Variants in CEMIP2 observed in about 807,000 individuals in gnomAD.
The protein encoded by CEMIP2 is cell surface hyaluronidase CEMIP2.
Under a neutral mutation model 146.9 loss-of-function variants are expected in CEMIP2, and 79 were observed. The observed-to-expected ratio is 0.54, with a 90% confidence interval of 0.45 to 0.65. The LOEUF (loss-of-function observed/expected upper bound fraction) is 0.65, where lower values mean the gene tolerates loss of function less well. CEMIP2 is among the 30% of genes least tolerant of loss of function. CEMIP2 has a pLI of 0.00. For missense variants in CEMIP2, 1,596 were observed against 1,696.2 expected, an observed-to-expected ratio of 0.94 and a Z score of 1.04; for synonymous variants, 601 against 606.3, an observed-to-expected ratio of 0.99 and a Z score of 0.13.
At chr9:71,749,424 G>A (rs900568764) in intron 2 of CEMIP2, among the ~76,000 whole-genome samples, 1 of 151,448 alleles carries the variant, frequency 6.6e-6, no homozygotes, top group Non-Finnish European at 1.5e-5. Flanking sequence ...AAAAACTTGC[G>A]GCCGGGCATG....
chr9:71,740,466 C>G lies in CEMIP2; in HGVS notation c.1035-234G>C, dbSNP rs957489376. 8.5e-5 allele frequency among the ~76,000 whole-genome samples: 13 copies of G among 152,316 alleles called. No homozygotes were observed. In the East Asian group the frequency reaches 1.3e-3, roughly 16 times the overall value. ...GTCCAGCTCTGTAATAGGTGAAAGA[C>G]CGATGACTACAATTTCAATTAATCA... On this transcript the variant is annotated intron_variant, in intron 4 of 23. Transcript: ENST00000377044.
At chr9:71,744,657 C>T (rs774424658) in intron 4 of CEMIP2, among the ~76,000 whole-genome samples, 9 of 152,178 alleles carry the variant, frequency 5.9e-5, no homozygotes, top group Non-Finnish European at 1.2e-4. Context: ...CATTAAGTTG[C>T]CTCAATTAGC....
At chr9:71,711,337 G>A (rs1363241767) in intron 16 of CEMIP2, among the ~76,000 whole-genome samples, 4 of 151,856 alleles carry the variant, frequency 2.6e-5, no homozygotes, top group African/African-American at 9.7e-5. Flanking sequence ...CAAGCTGAGA[G>A]GACCATTTGA....
At chr9:71,695,085 C>G (rs2131865418) in intron 20 of CEMIP2, among the ~76,000 whole-genome samples, 1 of 152,270 alleles carries the variant, frequency 6.6e-6, no homozygotes, top group Non-Finnish European at 1.5e-5. Flanking sequence ...ATTCCATAAA[C>G]AGAGTTGTGC....
intron 10 of CEMIP2, among the ~76,000 whole-genome samples, chr9:71,728,239 ATATATATATATGTATATACACG>A (rs1564012140): frequency 4.3e-4 from 13 of 30,060 alleles, no homozygotes; most frequent in Non-Finnish European, 8.2e-4. Flanking sequence ...CTCTATATAT[ATATATATATATGTATATACACG>A]TATATATATA....
chr9:71,691,394 G>A (rs1473728977), intron 21 of CEMIP2, among the ~76,000 whole-genome samples: 2 of 141,656 alleles, frequency 1.4e-5, no homozygotes, highest in Non-Finnish European at 3.0e-5. Flanking sequence ...TTCCAGCCTG[G>A]GTGACAGAGT....
intron 1 of CEMIP2, among the ~76,000 whole-genome samples, chr9:71,761,129 T>C (rs1357954130): frequency 1.3e-5 from 2 of 152,208 alleles, no homozygotes; most frequent in African/African-American, 4.8e-5. Flanking sequence ...CAGCTGGCCT[T>C]CCAAAGAAAG....
At chr9:71,717,517 C>T (rs1242610624) in intron 13 of CEMIP2, among the ~76,000 whole-genome samples, 2 of 152,062 alleles carry the variant, frequency 1.3e-5, no homozygotes, top group East Asian at 1.9e-4. Flanking sequence ...TGCCTCAAGT[C>T]ATGTTAAGAT....
chr9:71,701,233 G>T (rs987538551), intron 18 of CEMIP2, among the ~76,000 whole-genome samples: 3 of 152,108 alleles, frequency 2.0e-5, no homozygotes, highest in African/African-American at 7.2e-5. Flanking sequence ...AGCCTCTCGA[G>T]TAGCTGGGAT....
In CEMIP2 at chr9:71,687,460, T is replaced by TTC. The variant is rs796783790; in HGVS notation, c.3852-1616_3852-1615dup. 2.3e-4 allele frequency: 21 copies of TTC among 90,674 alleles called. 1 individual carries two copies. The highest frequency in any genetic ancestry group is 7.0e-4 in the African/African-American group (20 of 28,710). The allele number at this position is 90,674 out of a possible 1,614,324, so 5.6% of individuals were successfully genotyped here. A position where few individuals can be genotyped will look rare whatever the true frequency, so the allele number is the denominator to read the frequency against. The stretch of plus-strand genomic sequence containing the variant: ...CAATATATTTAATAATGTATTTATT[T>TTC]TCTGTGTGTGTGTGTGTGTGTGTGT... On this transcript the variant is annotated intron_variant, in intron 22 of 23. Coordinates refer to ENST00000377044, the MANE Select transcript of CEMIP2 (RefSeq NM_013390.3).
chr9:71,740,006 A>G, intron 5 of CEMIP2, 57 bp downstream of exon 5: 1 of 1,499,134 alleles, frequency 6.7e-7, no homozygotes, highest in South Asian at 1.3e-5. Context: ...TTAGAAAAAA[A>G]AAATCTGTCA....
At chr9:71,758,102 A>C (rs1402950800) in intron 1 of CEMIP2, among the ~76,000 whole-genome samples, 1 of 152,176 alleles carries the variant, frequency 6.6e-6, no homozygotes, top group Non-Finnish European at 1.5e-5. Context: ...TACATTTTTT[A>C]AAAAAACAAC....
At chr9:71,722,402 T>A in intron 12 of CEMIP2, 25 bp downstream of exon 12, 1 of 1,584,996 alleles carries the variant, frequency 6.3e-7, no homozygotes, top group South Asian at 1.1e-5. Context: ...ATAGCTTGAG[T>A]GTGACTTAAA....
At chr9:71,766,836 G>GA (rs1264581683) in intron 1 of CEMIP2, among the ~76,000 whole-genome samples, 3 of 152,124 alleles carry the variant, frequency 2.0e-5, no homozygotes, top group African/African-American at 4.8e-5. Flanking sequence ...ACATACATCA[G>GA]AAAAAAACAG....
At chr9:71,689,932 C>T (rs1213890177) in intron 22 of CEMIP2, among the ~76,000 whole-genome samples, 160 bp downstream of exon 22, 5 of 152,106 alleles carry the variant, frequency 3.3e-5, no homozygotes, top group African/African-American at 7.2e-5. Context: ...GCAGCTTAGA[C>T]GACATGGGCG....
intron 11 of CEMIP2, 81 bp from the exon 12 acceptor site, chr9:71,722,596 T>G (rs569238372): frequency 7.5e-5 from 88 of 1,173,544 alleles, no homozygotes; most frequent in Non-Finnish European, 1.1e-4. Context: ...GAAAATAGAT[T>G]TTAGCTTATC....
In CEMIP2 at chr9:71,709,090, T is replaced by A. The variant is rs77913234; in HGVS notation, c.2985+169A>T. Among the ~76,000 whole-genome samples the A allele has an allele frequency of 2.2e-4, 33 of 152,258 alleles. 1 individual carries two copies. In the East Asian group the frequency reaches 6.2e-3, roughly 29 times the overall value. ...TTTTAAGAAAAATTCCAGGAGTCCA[T>A]GACTCCTAATGAATCGAAAGAAAGA... On this transcript the variant is annotated intron_variant, in intron 17 of 23. Transcript: ENST00000377044.
chr9:71,710,893 C>T (rs1013399828), intron 16 of CEMIP2, among the ~76,000 whole-genome samples: 1 of 152,220 alleles, frequency 6.6e-6, no homozygotes, highest in Non-Finnish European at 1.5e-5. Context: ...CTCTGATCCA[C>T]ACCCAAGCTG....
At chr9:71,704,957 C>T (rs1822692025) in intron 17 of CEMIP2, 154 bp from the exon 18 acceptor site, 1 of 654,884 alleles carries the variant, frequency 1.5e-6, no homozygotes, top group African/African-American at 1.8e-5. Context: ...ACATCCTCAG[C>T]CACTTATAGT....
Sources: allele counts gnomAD v4.1 joint callset (sites outside exome capture counted in the v4.1 genomes callset), GRCh38; gene constraint gnomAD v4.1.1; transcripts MANE v1.5; gene names NCBI Gene and HGNC (gene_info 2026-07-23, HGNC 2026-07-21).